CFAP20DC: variants seen among roughly 807,000 people sequenced by gnomAD.
CFAP20DC encodes the protein CFAP20 domain containing.
In CFAP20DC, 84 loss-of-function variants were observed where a neutral mutation model predicts 101.7. That is an observed-to-expected ratio of 0.83 (90% CI 0.69 to 0.99). The LOEUF is 0.99. CFAP20DC is among the 50% of genes least tolerant of loss of function. The pLI is 0.00. For missense variants in CFAP20DC, 1,007 were observed against 970.3 expected, an observed-to-expected ratio of 1.04 and a Z score of -0.50; for synonymous variants, 359 against 351.2, an observed-to-expected ratio of 1.02 and a Z score of -0.25.
chr3:58,751,426 A>G (rs2068563157), intron 16 of CFAP20DC, among the ~76,000 whole-genome samples: 1 of 152,098 alleles, frequency 6.6e-6, no homozygotes, highest in Non-Finnish European at 1.5e-5. Context: ...CCCTTCATTC[A>G]GCTGTTCACT....
At chr3:58,756,950 T>C (rs968859289) in intron 15 of CFAP20DC, among the ~76,000 whole-genome samples, 1 of 152,118 alleles carries the variant, frequency 6.6e-6, no homozygotes, top group African/African-American at 2.4e-5. Context: ...CTATCATTCA[T>C]TTCACCCTCT....
intron 4 of CFAP20DC, chr3:59,019,158 T>G (rs1489635924): frequency 6.6e-6 from 1 of 152,130 alleles, no homozygotes; most frequent in Non-Finnish European, 1.5e-5. Flanking sequence ...TATTTTACAC[T>G]GCATGCCACT....
intron 12 of CFAP20DC, among the ~76,000 whole-genome samples, chr3:58,855,701 TG>T (rs1299240323): frequency 1.3e-5 from 2 of 151,612 alleles, no homozygotes; most frequent in Non-Finnish European, 2.9e-5. Flanking sequence ...TGGATGAAAT[TG>T]GAAATCATCA....
intron 3 of CFAP20DC, among the ~76,000 whole-genome samples, chr3:58,725,597 C>A (rs1378125880): frequency 1.3e-5 from 2 of 152,188 alleles, no homozygotes. Flanking sequence ...AGTAAGGACA[C>A]CCACGACAGT....
In CFAP20DC at chr3:58,861,548, A is replaced by C. The variant is rs1346863615; in HGVS notation, c.1593+2010T>G. The stretch of plus-strand genomic sequence containing the variant: ...AATTACCAAAAGTACAAAAGAAAAA[A>C]TCCAATTTTGTTAAGAAGGTATCAT... On this transcript the variant is annotated intron_variant, in intron 12 of 16. Coordinates refer to ENST00000482387, the MANE Select transcript of CFAP20DC (RefSeq NM_001394063.1). This position sits in a 1 kb window ranked among gnomAD's most constrained non-coding sequence, Gnocchi z 4.0. The C allele has an allele frequency of 1.0e-6, 1 of 983,096 alleles. No individual in the cohort carries two copies. Among genetic ancestry groups the C allele is most frequent in the Non-Finnish European group, 1.2e-6 (1 of 827,856 alleles). 60.9% of individuals were successfully genotyped at this position (983,096 alleles called of 1,614,324 possible). A position where few individuals can be genotyped will look rare whatever the true frequency, so the allele number is the denominator to read the frequency against.
intron 4 of CFAP20DC, among the ~76,000 whole-genome samples, chr3:58,985,385 C>A (rs766192223): frequency 3.9e-4 from 60 of 152,184 alleles, no homozygotes; most frequent in Non-Finnish European, 7.1e-4. Context: ...ACTGCAACAA[C>A]CTCCTAATTA....
chr3:58,964,093 G>A lies in CFAP20DC; in HGVS notation c.279-26331C>T, dbSNP rs2091358523. ...TTCTTTTTCTCTAGCAGTTAAACAA[G>A]CACTGGCCTTGTGATAAGCAATACT... is the stretch of plus-strand genomic sequence containing the variant. On this transcript the variant is annotated intron_variant, in intron 4 of 16. Transcript: ENST00000482387. This position sits in a 1 kb window ranked among gnomAD's most constrained non-coding sequence, Gnocchi z 4.1. Among the ~76,000 whole-genome samples, 1 of 152,206 alleles carries A rather than the reference G, an allele frequency of 6.6e-6. No individual in the cohort carries two copies. Among genetic ancestry groups the A allele is most frequent in the Non-Finnish European group, 1.5e-5 (1 of 68,040 alleles).
chr3:59,024,517 G>T (rs1394011184), intron 4 of CFAP20DC, among the ~76,000 whole-genome samples: 1 of 152,038 alleles, frequency 6.6e-6, no homozygotes, highest in Non-Finnish European at 1.5e-5. Context: ...AAGTGCTATT[G>T]TAAGATATGT....
intron 13 of CFAP20DC, among the ~76,000 whole-genome samples, chr3:58,846,638 T>C (rs1219652940): frequency 2.0e-5 from 3 of 151,676 alleles, no homozygotes; most frequent in Admixed American, 6.6e-5. Flanking sequence ...TACCAATGAC[T>C]TTCTTCACAG....
At chr3:58,878,078 G>A (rs905720841) in intron 7 of CFAP20DC, among the ~76,000 whole-genome samples, 1 of 152,174 alleles carries the variant, frequency 6.6e-6, no homozygotes, top group Non-Finnish European at 1.5e-5. Context: ...CAAGCCCAAT[G>A]TAAACTATTT....
rs2093328574 is a variant in CFAP20DC, at chr3:59,002,111, G to A, written c.278+37446C>T. Among the ~76,000 whole-genome samples the A allele has an allele frequency of 6.6e-6, 1 of 152,202 alleles. No homozygotes were observed. The highest frequency in any genetic ancestry group is 6.5e-5 in the Admixed American group (1 of 15,282). The stretch of plus-strand genomic sequence containing the variant: ...TGGATTGTCAGAGCCTGAAAGAACT[G>A]AGTTGGGGATCCCAGCTCTGTTATC... On this transcript the variant is annotated intron_variant, in intron 4 of 16. Transcript: ENST00000482387. This position sits in a 1 kb window ranked among gnomAD's most constrained non-coding sequence, Gnocchi z 4.5.
At chr3:58,893,989 G>C (rs1334062890) in intron 6 of CFAP20DC, among the ~76,000 whole-genome samples, 3 of 152,138 alleles carry the variant, frequency 2.0e-5, no homozygotes, top group African/African-American at 7.2e-5. Flanking sequence ...AGCTTGTGCA[G>C]GGAAACTCCC....
intron 16 of CFAP20DC, among the ~76,000 whole-genome samples, chr3:58,750,879 G>A (rs2068517226): frequency 6.6e-6 from 1 of 152,162 alleles, no homozygotes; most frequent in Admixed American, 6.5e-5. Flanking sequence ...ACGGCATAAG[G>A]TGATCTATAA....
At position 58,742,457 on chromosome 3, in the gene CFAP20DC, G is replaced by T. The variant is rs1184807194; in HGVS notation, c.*3C>A. 1.3e-6 allele frequency: 2 copies of T among 1,596,182 alleles called. No homozygotes were observed. Among genetic ancestry groups the T allele is most frequent in the Non-Finnish European group, 1.7e-6 (2 of 1,171,076 alleles). ...TGCCTGCTCTCTGCCCCGGAAGGAG[G>T]CATTATACCAACTCATAGTATTTCC... On this transcript the variant is annotated 3_prime_UTR_variant, in exon 17 of 17. Coordinates refer to ENST00000482387, the MANE Select transcript of CFAP20DC (RefSeq NM_001394063.1).
chr3:58,845,263 T>C (rs1350156216), intron 13 of CFAP20DC, among the ~76,000 whole-genome samples: 5 of 151,192 alleles, frequency 3.3e-5, no homozygotes, highest in East Asian at 1.9e-4. Context: ...GATAGACCTC[T>C]AGCAAGACTA....
chr3:59,045,100 T>A (rs1699742964), intron 3 of CFAP20DC, among the ~76,000 whole-genome samples: 1 of 152,102 alleles, frequency 6.6e-6, no homozygotes, highest in Non-Finnish European at 1.5e-5. Flanking sequence ...CTTCTTTTTT[T>A]TTCCGGTCTC....
chr3:58,933,916 A>G (rs2087114325), intron 5 of CFAP20DC, among the ~76,000 whole-genome samples: 1 of 152,050 alleles, frequency 6.6e-6, no homozygotes, highest in African/African-American at 2.4e-5. Context: ...AGAAATAACT[A>G]AAATCAGAGC....
chr3:59,039,556 C>A lies in CFAP20DC; in HGVS notation c.278+1G>T. 1.3e-6 allele frequency: 2 copies of A among 1,507,288 alleles called. No individual in the cohort carries two copies. Among genetic ancestry groups the A allele is most frequent in the South Asian group, 2.4e-5 (2 of 82,594 alleles). The allele number at this position is 1,507,288 out of a possible 1,614,324, so 93.4% of individuals were successfully genotyped here. On this transcript the variant is annotated splice_donor_variant, in intron 4 of 16. Transcript: ENST00000482387. LOFTEE classifies it high-confidence loss of function. ...ATTCAAAGAAGTTCTGTATATCTTA[C>A]AGCAATTCAGTGGAGAAGTCTTGTC...
intron 14 of CFAP20DC, among the ~76,000 whole-genome samples, chr3:58,807,405 T>G (rs2074186553): frequency 6.6e-6 from 1 of 152,164 alleles, no homozygotes; most frequent in African/African-American, 2.4e-5. Context: ...CATTCGTGGT[T>G]CATGAAAATC....
Sources: gnomAD v4.1 joint callset for allele counts (sites outside exome capture counted in the v4.1 genomes callset) on GRCh38, gnomAD v4.1.1 for gene constraint, Gnocchi (gnomAD v3.1) non-coding constraint, MANE v1.5 for transcripts, NCBI Gene and HGNC (gene_info 2026-07-23, HGNC 2026-07-21) for gene names.